GALNT2: variants seen among roughly 807,000 people sequenced by gnomAD.
GALNT2 encodes the protein UDP-GalNAc:polypeptide N-acetylgalactosaminyltransferase 2.
Under a neutral mutation model 81.4 loss-of-function variants are expected in GALNT2, and 31 were observed. The observed-to-expected ratio is 0.38, with a 90% CI of 0.29 to 0.51. GALNT2 has a LOEUF of 0.51. Ranked by LOEUF, GALNT2 falls within the 20% of genes least tolerant of loss-of-function variation. The pLI is 0.87. For synonymous variants in GALNT2, 303 were observed against 287.4 expected, an observed-to-expected ratio of 1.05 and a Z score of -0.55; for missense variants, 629 against 765.7, an observed-to-expected ratio of 0.82 and a Z score of 2.11.
At chr1:230,160,129 A>G (rs2102845814) in intron 1 of GALNT2, among the ~76,000 whole-genome samples, 1 of 152,252 alleles carries the variant, frequency 6.6e-6, no homozygotes, top group East Asian at 1.9e-4. Context: ...ACTCCCTTCC[A>G]TGAAGTGCTT....
chr1:230,128,181 C>G (rs147445960), intron 1 of GALNT2, among the ~76,000 whole-genome samples: 2 of 152,276 alleles, frequency 1.3e-5, no homozygotes, highest in Non-Finnish European at 2.9e-5. Flanking sequence ...CTGGGGCCAT[C>G]TGTCCTATAG....
intron 1 of GALNT2, among the ~76,000 whole-genome samples, chr1:230,099,206 A>G (rs1184349242): frequency 2.0e-5 from 3 of 152,182 alleles, no homozygotes; most frequent in African/African-American, 2.4e-5. Flanking sequence ...AAGCATTGTC[A>G]TGGCCTTGCC....
At chr1:230,071,265 G>A (rs906419139) in intron 1 of GALNT2, among the ~76,000 whole-genome samples, 6 of 152,110 alleles carry the variant, frequency 3.9e-5, no homozygotes, top group Non-Finnish European at 5.9e-5. Context: ...TGGGGTTTGG[G>A]CTATGAATCT....
intron 2 of GALNT2, among the ~76,000 whole-genome samples, chr1:230,183,331 G>T (rs1021852513): frequency 6.6e-6 from 1 of 151,476 alleles, no homozygotes; most frequent in Non-Finnish European, 1.5e-5. Flanking sequence ...TTTATTTATT[G>T]CCCTTATTCT....
chr1:230,114,817 G>A (rs781650712), intron 1 of GALNT2, among the ~76,000 whole-genome samples: 2 of 152,094 alleles, frequency 1.3e-5, no homozygotes, highest in Non-Finnish European at 2.9e-5. Context: ...GTTTTCAATA[G>A]GCTTTATTTT....
intron 15 of GALNT2, among the ~76,000 whole-genome samples, chr1:230,276,062 GTATATATACATGCCACATATATATACA>G: frequency 7.5e-6 from 1 of 133,656 alleles, no homozygotes; most frequent in Non-Finnish European, 1.6e-5. Context: ...ATATATATAC[GTATATATACATGCCACATATATATACA>G]TATATAAACA....
intron 8 of GALNT2, among the ~76,000 whole-genome samples, chr1:230,248,717 G>A (rs553830603): frequency 4.9e-4 from 75 of 152,292 alleles, no homozygotes; most frequent in African/African-American, 1.8e-3. Flanking sequence ...ACAGTCTGAA[G>A]TTTGCTGGCC....
intron 1 of GALNT2, among the ~76,000 whole-genome samples, chr1:230,085,526 C>T (rs577994441): frequency 8.1e-4 from 123 of 152,330 alleles, no homozygotes; most frequent in Non-Finnish European, 1.2e-3. Flanking sequence ...GTTTCCCACT[C>T]GTAAGCCCCT....
intron 1 of GALNT2, among the ~76,000 whole-genome samples, chr1:230,077,232 A>T (rs1237604430): frequency 6.6e-6 from 1 of 151,912 alleles, no homozygotes; most frequent in Non-Finnish European, 1.5e-5. Flanking sequence ...CTAGATGTTG[A>T]GCTTTTGCTC....
intron 1 of GALNT2, among the ~76,000 whole-genome samples, chr1:230,107,629 TG>T (rs1660580441): frequency 6.6e-6 from 1 of 151,640 alleles, no homozygotes; most frequent in Non-Finnish European, 1.5e-5. Flanking sequence ...TGTGTGTGTG[TG>T]TGTGTGTGTG....
intron 2 of GALNT2, among the ~76,000 whole-genome samples, chr1:230,179,265 A>C (rs1297298866): frequency 6.6e-6 from 1 of 152,152 alleles, no homozygotes; most frequent in Non-Finnish European, 1.5e-5. Context: ...ATAAATATCT[A>C]TGTACCAGTT....
intron 3 of GALNT2, among the ~76,000 whole-genome samples, chr1:230,209,569 C>T (rs1664169428): frequency 6.6e-6 from 1 of 152,228 alleles, no homozygotes; most frequent in South Asian, 2.1e-4. Context: ...GGGCCAGGTG[C>T]AGTGGCTCAT....
chr1:230,183,743 C>T (rs745585666), intron 2 of GALNT2, among the ~76,000 whole-genome samples: 8 of 152,164 alleles, frequency 5.3e-5, no homozygotes, highest in Non-Finnish European at 7.4e-5. Context: ...TTTGGGAGGC[C>T]GAGGCAGGCA....
intron 3 of GALNT2, among the ~76,000 whole-genome samples, chr1:230,217,740 A>G (rs539867668): frequency 6.6e-6 from 1 of 152,288 alleles, no homozygotes; most frequent in South Asian, 2.1e-4. Context: ...AGAGGGGACA[A>G]ATGCTGTATC....
At chr1:230,249,120 TG>T in intron 8 of GALNT2, 63 bp from the exon 9 acceptor site, 3 of 1,398,300 alleles carry the variant, frequency 2.1e-6, no homozygotes, top group Non-Finnish European at 3.0e-6. Flanking sequence ...CTGTGAGGAA[TG>T]GGGGTGTCGG....
intron 1 of GALNT2, among the ~76,000 whole-genome samples, chr1:230,142,362 T>C (rs1661771552): frequency 6.6e-6 from 1 of 152,086 alleles, no homozygotes; most frequent in South Asian, 2.1e-4. Flanking sequence ...ACTGACCAAG[T>C]AGTCTGTGTA....
At position 230,067,446 on chromosome 1, in the gene GALNT2, AC is replaced by A. The variant is rs537070186; in HGVS notation, c.126+46del. ...CTGCCGCGGCCGGGCCCCTGCGCCC[AC>A]CCCCCACCCTGCGCCCCTGTCCCCT... On this transcript the variant is annotated intron_variant, in intron 1 of 15. Transcript: ENST00000366672. 1,192 of 681,460 alleles carry A rather than the reference AC, an allele frequency of 1.7e-3. 10 individuals carry two copies. The African/African-American group carries it at 0.025, about 14-fold the overall frequency. The allele number at this position is 681,460 out of a possible 1,614,324, so 42.2% of individuals were successfully genotyped here.
rs1661291507 is a variant in GALNT2 at position 230,129,236 on chromosome 1, ATTTTTCTGTTTCTTTAGACT to A, written c.127-48974_127-48955del. Among the ~76,000 whole-genome samples, 6 of 152,278 alleles carry A rather than the reference ATTTTTCTGTTTCTTTAGACT, an allele frequency of 3.9e-5. No individual in the cohort carries two copies. The South Asian group carries it at 8.3e-4, about 21-fold the overall frequency. ...AATTCTGACTGCAGATATGCTGCGA[ATTTTTCTGTTTCTTTAGACT>A]TTTTTCTTTCCTGTCCTATAACCTG... On this transcript the variant is annotated intron_variant, in intron 1 of 15. Coordinates refer to ENST00000366672, the MANE Select transcript of GALNT2 (RefSeq NM_004481.5).
At chr1:230,155,611 A>G (rs902237086) in intron 1 of GALNT2, among the ~76,000 whole-genome samples, 1 of 152,242 alleles carries the variant, frequency 6.6e-6, no homozygotes, top group Admixed American at 6.5e-5. Context: ...CTCCCAGGAC[A>G]GTCCCATGGG....
Sources: allele counts gnomAD v4.1 joint callset (sites outside exome capture counted in the v4.1 genomes callset), GRCh38; gene constraint gnomAD v4.1.1; transcripts MANE v1.5; gene names NCBI Gene and HGNC (gene_info 2026-07-23, HGNC 2026-07-21).